CDH13: variants seen among roughly 807,000 people sequenced by gnomAD.
CDH13 encodes the protein cadherin 13.
In CDH13, 24 loss-of-function variants were observed where a neutral mutation model predicts 63.8. The observed-to-expected ratio is 0.38, with a 90% CI of 0.27 to 0.53. CDH13 has a LOEUF of 0.53. Ranked by LOEUF, CDH13 falls within the 20% of genes least tolerant of loss-of-function variation. The probability of loss-of-function intolerance (pLI) is 0.85; values close to 1 mark genes in which losing one functional copy is unlikely to be tolerated. For missense variants in CDH13, 1,049 were observed against 903.1 expected, an observed-to-expected ratio of 1.16 and a Z score of -2.07; for synonymous variants, 503 against 355.3, an observed-to-expected ratio of 1.42 and a Z score of -4.67.
At chr16:82,739,512 A>G (rs1278179056) in intron 1 of CDH13, among the ~76,000 whole-genome samples, 2 of 152,232 alleles carry the variant, frequency 1.3e-5, no homozygotes, top group Non-Finnish European at 2.9e-5. Context: ...TACAAAGGTA[A>G]GAATCATTTA....
At chr16:82,911,178 G>T (rs906133290) in intron 2 of CDH13, among the ~76,000 whole-genome samples, 1 of 152,158 alleles carries the variant, frequency 6.6e-6, no homozygotes, top group Non-Finnish European at 1.5e-5. Flanking sequence ...TTCCCCGAGC[G>T]CTGAAATTCT....
intron 5 of CDH13, among the ~76,000 whole-genome samples, chr16:83,223,663 A>T (rs1191613238): frequency 6.6e-6 from 1 of 152,168 alleles, no homozygotes; most frequent in Non-Finnish European, 1.5e-5. Flanking sequence ...ACTTCCATCC[A>T]GTCTCACGCT....
chr16:83,376,813 A>G (rs2091467969), intron 6 of CDH13, among the ~76,000 whole-genome samples: 2 of 152,136 alleles, frequency 1.3e-5, no homozygotes, highest in African/African-American at 2.4e-5. Context: ...CCAATACAAT[A>G]TGTAGAAGTG....
At chr16:83,080,341 A>C (rs909037628) in intron 3 of CDH13, among the ~76,000 whole-genome samples, 1 of 152,188 alleles carries the variant, frequency 6.6e-6, no homozygotes, top group Non-Finnish European at 1.5e-5. Context: ...TGAAAAGCAT[A>C]AAGAGAAAAT....
rs1197705545 is a variant in CDH13 at position 83,152,107 on chromosome 16, G to GTCTCTGT, written c.483+26608_483+26614dup. 2.0e-5 allele frequency among the ~76,000 whole-genome samples: 3 copies of GTCTCTGT among 152,116 alleles called. No individual in the cohort carries two copies. The East Asian group carries it at 5.8e-4, about 29-fold the overall frequency. On this transcript the variant is annotated intron_variant, in intron 4 of 13. Coordinates refer to ENST00000567109, the MANE Select transcript of CDH13 (RefSeq NM_001257.5). ...AATTAGAGGAAAAAAAAGAGCTGAAGTCTCTGTTGCATGAGAAATACCATT... is the reference window on the plus strand; with the variant it reads ...AATTAGAGGAAAAAAAAGAGCTGAAGTCTCTGTTCTCTGTTGCATGAGAAATACCATT...
At chr16:83,397,751 C>G (rs1442835868) in intron 6 of CDH13, among the ~76,000 whole-genome samples, 2 of 152,168 alleles carry the variant, frequency 1.3e-5, no homozygotes, top group Non-Finnish European at 2.9e-5. Flanking sequence ...TCCTGTTTCT[C>G]CCAGGACTTG....
chr16:83,393,727 C>T lies in CDH13; in HGVS notation c.781+48721C>T, dbSNP rs544833413. The stretch of plus-strand genomic sequence containing the variant: ...ATGAATGAATCCCCTGGTCAAGGAA[C>T]CAGGCTCAGCCCACAATGTATGCAT... On this transcript the variant is annotated intron_variant, in intron 6 of 13. Transcript: ENST00000567109. Among the ~76,000 whole-genome samples, 26 of 152,326 alleles carry T rather than the reference C, an allele frequency of 1.7e-4. No homozygotes were observed. In the South Asian group the frequency reaches 3.5e-3, roughly 21 times the overall value.
At chr16:83,336,803 T>C (rs1321024828) in intron 5 of CDH13, among the ~76,000 whole-genome samples, 1 of 152,250 alleles carries the variant, frequency 6.6e-6, no homozygotes, top group Admixed American at 6.5e-5. Flanking sequence ...TTTCTGATTC[T>C]GTTGATCTAG....
In CDH13 at chr16:83,301,306, C is replaced by T. The variant is rs566605670; in HGVS notation, c.637-43556C>T. The stretch of plus-strand genomic sequence containing the variant: ...TCAGCCTCCCAAAGTGCAGGGATTA[C>T]AGGCGTGAGCCACCGCACCTGGTCA... On this transcript the variant is annotated intron_variant, in intron 5 of 13. Transcript: ENST00000567109. Among the ~76,000 whole-genome samples, 12 of 152,232 alleles carry T rather than the reference C, an allele frequency of 7.9e-5. No homozygotes were observed. The East Asian group carries it at 1.2e-3, about 15-fold the overall frequency.
At chr16:82,695,386 A>G (rs2030148908) in intron 1 of CDH13, among the ~76,000 whole-genome samples, 1 of 152,196 alleles carries the variant, frequency 6.6e-6, no homozygotes, top group African/African-American at 2.4e-5. Context: ...AGGAGGTTTA[A>G]TAAATTCTTT....
At chr16:82,655,441 A>T (rs1366152305) in intron 1 of CDH13, among the ~76,000 whole-genome samples, 1 of 152,208 alleles carries the variant, frequency 6.6e-6, no homozygotes, top group East Asian at 1.9e-4. Context: ...TATGCCAGGA[A>T]GAGCAAAAAG....
At chr16:83,259,208 A>G (rs892251428) in intron 5 of CDH13, among the ~76,000 whole-genome samples, 1 of 152,182 alleles carries the variant, frequency 6.6e-6, no homozygotes, top group Non-Finnish European at 1.5e-5. Flanking sequence ...TATGGATGGG[A>G]AAGCTGTTTT....
intron 1 of CDH13, chr16:82,727,449 A>G (rs1427145949): frequency 6.6e-6 from 1 of 152,150 alleles, no homozygotes; most frequent in Admixed American, 6.6e-5. Context: ...ACCAGTAACC[A>G]TTCCTCCTTA....
intron 1 of CDH13, among the ~76,000 whole-genome samples, chr16:82,783,832 C>CT (rs1419897575): frequency 6.8e-6 from 1 of 147,944 alleles, no homozygotes; most frequent in African/African-American, 2.5e-5. Context: ...CAAGGGAATA[C>CT]TGGTAATCAG....
chr16:83,691,132 G>C (rs1445188358), intron 10 of CDH13, among the ~76,000 whole-genome samples: 2 of 151,656 alleles, frequency 1.3e-5, no homozygotes, highest in African/African-American at 2.4e-5. Context: ...GAGAGAGAGA[G>C]AGAGGAATAA....
At chr16:83,187,250 G>A (rs549600484) in intron 4 of CDH13, among the ~76,000 whole-genome samples, 7 of 152,272 alleles carry the variant, frequency 4.6e-5, no homozygotes, top group Admixed American at 6.5e-5. Flanking sequence ...AATTACAGGC[G>A]TAAGCCACCA....
intron 8 of CDH13, among the ~76,000 whole-genome samples, chr16:83,649,463 T>C (rs1250541126): frequency 6.6e-6 from 1 of 152,140 alleles, no homozygotes; most frequent in East Asian, 1.9e-4. Flanking sequence ...TCAGAGCTGC[T>C]TTTTCTTTGT....
At chr16:82,838,213 T>G (rs1321094390) in intron 1 of CDH13, among the ~76,000 whole-genome samples, 1 of 152,228 alleles carries the variant, frequency 6.6e-6, no homozygotes, top group East Asian at 1.9e-4. Context: ...CTAATTTCTC[T>G]AATGGAAGTA....
intron 10 of CDH13, among the ~76,000 whole-genome samples, chr16:83,723,646 G>A (rs527758730): frequency 2.6e-5 from 4 of 152,284 alleles, no homozygotes; most frequent in South Asian, 2.1e-4. Flanking sequence ...CCAATGGGAC[G>A]GCTTTCAGAG....
Sources: allele counts gnomAD v4.1 joint callset (sites outside exome capture counted in the v4.1 genomes callset), GRCh38; gene constraint gnomAD v4.1.1; transcripts MANE v1.5; gene names NCBI Gene and HGNC (gene_info 2026-07-23, HGNC 2026-07-21).